The following SMIM17 variants were observed in gnomAD, a reference collection of about 807,000 sequenced individuals.
SMIM17 encodes small integral membrane protein 17.
Under a neutral mutation model 12.2 loss-of-function variants are expected in SMIM17, and 10 were observed. The ratio of observed to expected loss-of-function variants is 0.82; its 90% CI spans 0.50 to 1.39. The LOEUF (loss-of-function observed/expected upper bound fraction) is 1.39. Ranked by LOEUF, SMIM17 falls within the 40% of genes most tolerant of loss-of-function variation. The probability of loss-of-function intolerance (pLI) is 0.00; values close to 1 mark genes in which losing one functional copy is unlikely to be tolerated. For synonymous variants in SMIM17, 50 were observed against 44.1 expected, an observed-to-expected ratio of 1.13 and a Z score of -0.53; for missense variants, 136 against 118.2, an observed-to-expected ratio of 1.15 and a Z score of -0.70.
intron 3 of SMIM17, among the ~76,000 whole-genome samples, chr19:56,651,324 G>A (rs932472368): frequency 1.3e-5 from 2 of 152,146 alleles, no homozygotes; most frequent in Non-Finnish European, 2.9e-5. Flanking sequence ...ACCACTAGGT[G>A]TCCTGCCTGT....
Position 56,645,856 on chromosome 19 carries a change from T to C in SMIM17, c.169+20T>C. 2 of 1,520,346 alleles carry C rather than the reference T, an allele frequency of 1.3e-6. No individual in the cohort carries two copies. Among genetic ancestry groups the C allele is most frequent in the Non-Finnish European group, 1.8e-6 (2 of 1,138,886 alleles). The allele number at this position is 1,520,346 out of a possible 1,614,324, so 94.2% of individuals were successfully genotyped here. ...AGAAAGGTGAGAGGCAGGGGTCCTT[T>C]GGGAGGTGAGTGGGTGGAGAGGAAG... is the stretch of plus-strand genomic sequence containing the variant. On this transcript the variant is annotated intron_variant, in intron 2 of 3. Coordinates refer to ENST00000598409, the MANE Select transcript of SMIM17 (RefSeq NM_001193628.2).
At chr19:56,647,683 T>A (rs1748783828) in intron 3 of SMIM17, 49 bp downstream of exon 3, 2 of 1,449,724 alleles carry the variant, frequency 1.4e-6, no homozygotes, top group Admixed American at 2.1e-5. Flanking sequence ...ACTCTGTAGA[T>A]CTCAGCACTT....
At chr19:56,648,131 TATCC>T (rs35121437) in intron 3 of SMIM17, among the ~76,000 whole-genome samples, 32,699 of 128,814 alleles carry the variant, frequency 0.25, 4,249 homozygotes, top group African/African-American at 0.35. Flanking sequence ...TTTATCCACT[TATCC>T]ATCCATCCAT....
intron 1 of SMIM17, 90 bp from the exon 2 acceptor site, chr19:56,645,478 T>A (rs2045055735): frequency 2.2e-6 from 1 of 463,374 alleles, no homozygotes; most frequent in Non-Finnish European, 3.7e-6. Flanking sequence ...AATCTCCACT[T>A]GATTACTGCT....
At chr19:56,650,701 C>T (rs769751391) in intron 3 of SMIM17, among the ~76,000 whole-genome samples, 3 of 152,098 alleles carry the variant, frequency 2.0e-5, no homozygotes, top group Non-Finnish European at 4.4e-5. Flanking sequence ...GCGAATGGGA[C>T]CCAGGACCTG....
In SMIM17 at chr19:56,647,560, C is replaced by G. The variant is rs1304330740; in HGVS notation, c.172C>G (p.Leu58Val). 1.3e-6 allele frequency: 2 copies of G among 1,535,544 alleles called. No homozygotes were observed. Among genetic ancestry groups the G allele is most frequent in the Admixed American group, 3.9e-5 (2 of 50,948 alleles). Residue 58 changes from leucine to valine, a missense_variant and splice_region_variant, in exon 3 of 4, where the codon CTG becomes GTG. By Grantham distance (32) the Leu-to-Val change is conservative. Coordinates refer to ENST00000598409, the MANE Select transcript of SMIM17 (RefSeq NM_001193628.2). ...ASSHDSDEKD[L>V]SSQETGLSQE... ...CCTCCACTCCCACCCTCACCCAGACCTGTCTTCTCAAGAGACTGGGCTTTC... is the reference window on the plus strand; with the variant it reads ...CCTCCACTCCCACCCTCACCCAGACGTGTCTTCTCAAGAGACTGGGCTTTC...
At chr19:56,646,509 G>A (rs2045064165) in intron 2 of SMIM17, among the ~76,000 whole-genome samples, 1 of 151,994 alleles carries the variant, frequency 6.6e-6, no homozygotes, top group Non-Finnish European at 1.5e-5. Context: ...GCTGATAAAC[G>A]TCCTACCATG....
chr19:56,645,857 G>A (rs1057192584), intron 2 of SMIM17, 21 bp downstream of exon 2: 6 of 1,519,422 alleles, frequency 3.9e-6, no homozygotes, highest in Non-Finnish European at 3.5e-6. Flanking sequence ...GGGGTCCTTT[G>A]GGAGGTGAGT....
intron 3 of SMIM17, among the ~76,000 whole-genome samples, chr19:56,649,807 C>T (rs2045095709): frequency 6.6e-6 from 1 of 152,008 alleles, no homozygotes; most frequent in South Asian, 2.1e-4. Flanking sequence ...GATGTAGTGT[C>T]TCATGGGCCA....
chr19:56,654,961 C>T (rs1282136444), intron 3 of SMIM17, 142 bp from the exon 4 acceptor site: 6 of 482,996 alleles, frequency 1.2e-5, no homozygotes, highest in Non-Finnish European at 3.7e-6. Flanking sequence ...CTTATATCTA[C>T]TCAGTTGTAC....
At chr19:56,651,192 T>C (rs1411590982) in intron 3 of SMIM17, among the ~76,000 whole-genome samples, 1 of 152,214 alleles carries the variant, frequency 6.6e-6, no homozygotes, top group African/African-American at 2.4e-5. Flanking sequence ...CAGTCCTTGA[T>C]GTAGGACCTG....
In SMIM17 at chr19:56,649,416, CCGAGGTAGACAG is replaced by C. The variant is rs200281022; in HGVS notation, c.246+1783_246+1794del. Among the ~76,000 whole-genome samples, 1,458 of 152,186 alleles carry C rather than the reference CCGAGGTAGACAG, an allele frequency of 9.6e-3. 26 individuals carry two copies. Among genetic ancestry groups the C allele is most frequent in the African/African-American group, 0.033 (1,385 of 41,512 alleles). On this transcript the variant is annotated intron_variant, in intron 3 of 3. Coordinates refer to ENST00000598409, the MANE Select transcript of SMIM17 (RefSeq NM_001193628.2). ...CCTGCCTTCATGGAGCTCACAGTCA[CCGAGGTAGACAG>C]ACGACAATTGAAATAAGCAGCTAAA...
At chr19:56,651,087 T>C (rs1433277159) in intron 3 of SMIM17, among the ~76,000 whole-genome samples, 1 of 152,198 alleles carries the variant, frequency 6.6e-6, no homozygotes, top group Non-Finnish European at 1.5e-5. Context: ...GCGGGCTGTC[T>C]GGAACCAGAG....
chr19:56,647,563 T>G lies in SMIM17; in HGVS notation c.175T>G (p.Ser59Ala). ...CCACTCCCACCCTCACCCAGACCTG[T>G]CTTCTCAAGAGACTGGGCTTTCCCA... ...SSHDSDEKDL[S>A]SQETGLSQEW... The change falls in exon 3 of 4, where the codon TCT becomes GCT. Residue 59 changes from serine to alanine, a missense_variant. Physicochemically the swap from Ser to Ala is moderately conservative, Grantham distance 99. Coordinates refer to ENST00000598409, the MANE Select transcript of SMIM17 (RefSeq NM_001193628.2). 2.6e-6 allele frequency: 4 copies of G among 1,535,570 alleles called. No homozygotes were observed. The highest frequency in any genetic ancestry group is 2.6e-6 in the Non-Finnish European group (3 of 1,146,616).
chr19:56,649,210 A>G (rs949866279), intron 3 of SMIM17, among the ~76,000 whole-genome samples: 1 of 152,222 alleles, frequency 6.6e-6, no homozygotes, highest in Non-Finnish European at 1.5e-5. Flanking sequence ...TGCACAGGCA[A>G]GTTGGTATAA....
In SMIM17 at chr19:56,651,442, G is replaced by A. The variant is rs538756672; in HGVS notation, c.247-3661G>A. ...GAAGAAAGAAAAAGAGTTACTTTCCGGGAGGGCAGAAGTTCCCAGTCTGTG... is the reference window on the plus strand; with the variant it reads ...GAAGAAAGAAAAAGAGTTACTTTCCAGGAGGGCAGAAGTTCCCAGTCTGTG... On this transcript the variant is annotated intron_variant, in intron 3 of 3. Transcript: ENST00000598409. Among the ~76,000 whole-genome samples, 9 of 152,252 alleles carry A rather than the reference G, an allele frequency of 5.9e-5. No homozygotes were observed. The South Asian group carries it at 1.2e-3, about 21-fold the overall frequency.
Position 56,656,389 on chromosome 19 carries a change from A to C in SMIM17, c.*1176A>C, listed in dbSNP as rs2045152681. 6.6e-6 allele frequency among the ~76,000 whole-genome samples: 1 copy of C among 151,972 alleles called. No individual in the cohort carries two copies. The highest frequency in any genetic ancestry group is 2.4e-5 in the African/African-American group (1 of 41,362). ...TCCTGTAAACTGCTGTTTGTGGTTTACTCGTTATTAGATTTGTCAAAGGTT... is the reference window on the plus strand; with the variant it reads ...TCCTGTAAACTGCTGTTTGTGGTTTCCTCGTTATTAGATTTGTCAAAGGTT... On this transcript the variant is annotated 3_prime_UTR_variant, in exon 4 of 4. Transcript: ENST00000598409.
rs1490858559 is a variant in SMIM17, at chr19:56,655,220, T to C, written c.*7T>C. ...TATGATGTTTCACATTTAACTATAA[T>C]GGTGGCTGTTGTTTTAAAAGTTTAA... On this transcript the variant is annotated 3_prime_UTR_variant, in exon 4 of 4. Coordinates refer to ENST00000598409, the MANE Select transcript of SMIM17 (RefSeq NM_001193628.2). 4 of 700,042 alleles carry C rather than the reference T, an allele frequency of 5.7e-6. No individual in the cohort carries two copies. In the African/African-American group the frequency reaches 7.0e-5, roughly 12 times the overall value. 43.4% of individuals were successfully genotyped at this position (700,042 alleles called of 1,614,324 possible).
At chr19:56,648,320 T>C (rs972517525) in intron 3 of SMIM17, among the ~76,000 whole-genome samples, 6 of 145,288 alleles carry the variant, frequency 4.1e-5, no homozygotes, top group Admixed American at 3.5e-4. Flanking sequence ...CAACTATTCA[T>C]CTGTCCACTC....
Sources: allele counts gnomAD v4.1 joint callset (sites outside exome capture counted in the v4.1 genomes callset), GRCh38; gene constraint gnomAD v4.1.1; transcripts MANE v1.5; gene names NCBI Gene and HGNC (gene_info 2026-07-23, HGNC 2026-07-21).